The following NPFFR2 variants were observed in gnomAD, a reference collection of about 807,000 sequenced individuals.
NPFFR2 encodes neuropeptide FF receptor 2.
In NPFFR2, 15 loss-of-function variants were observed where a neutral mutation model predicts 13.1. The observed-to-expected ratio is 1.15, with a 90% CI of 0.77 to 1.76. NPFFR2 has a LOEUF of 1.76. Ranked by LOEUF, NPFFR2 falls within the 40% of genes most tolerant of loss-of-function variation. The pLI is 0.00. For missense variants in NPFFR2, 572 were observed against 503.5 expected (o/e 1.14, Z -1.30); for synonymous variants, 190 against 175.7 (o/e 1.08, Z -0.65).
In NPFFR2 at chr4:72,132,539, G is replaced by A. The variant is rs554722475; in HGVS notation, c.328+3620G>A. Among the ~76,000 whole-genome samples, 51 of 152,154 alleles carry A rather than the reference G, an allele frequency of 3.4e-4. 1 individual carries two copies. The highest frequency in any genetic ancestry group is 1.9e-4 in the Non-Finnish European group (13 of 68,024). On this transcript the variant is annotated intron_variant, in intron 2 of 3. Coordinates refer to ENST00000308744, the MANE Select transcript of NPFFR2 (RefSeq NM_004885.3). ...AGTATTGGGATTGCTGGGTTGAATGGTAGTTCTGTCTTTAGGTCTTTGAGG... is the reference window on the plus strand; with the variant it reads ...AGTATTGGGATTGCTGGGTTGAATGATAGTTCTGTCTTTAGGTCTTTGAGG...
At position 72,054,906 on chromosome 4, in the gene NPFFR2, A is replaced by G. The variant is rs138831168; in HGVS notation, c.-8+22706A>G. ...AAAAACAATGAGACATCTCTACACCATCATCCTCAACAAGGGTGATATCAT... is the reference window on the plus strand; with the variant it reads ...AAAAACAATGAGACATCTCTACACCGTCATCCTCAACAAGGGTGATATCAT... On this transcript the variant is annotated intron_variant, in intron 1 of 3. Coordinates refer to ENST00000308744, the MANE Select transcript of NPFFR2 (RefSeq NM_004885.3). Among the ~76,000 whole-genome samples the G allele has an allele frequency of 3.2e-3, 479 of 152,038 alleles. 4 individuals are homozygous for G. Among genetic ancestry groups the G allele is most frequent in the African/African-American group, 0.011 (441 of 41,516 alleles).
rs114129615 is a variant in NPFFR2, at chr4:72,093,154, G to T, written c.-7-35431G>T. Among the ~76,000 whole-genome samples the T allele has an allele frequency of 2.9e-3, 446 of 152,302 alleles. 1 individual carries two copies. The highest frequency in any genetic ancestry group is 0.01 in the African/African-American group (425 of 41,574). ...GTTTTGTTTAAGGGGGCTAAAAATA[G>T]GACCCCAACCCTTTTAGCTTGCAGG... On this transcript the variant is annotated intron_variant, in intron 1 of 3. Coordinates refer to ENST00000308744, the MANE Select transcript of NPFFR2 (RefSeq NM_004885.3).
chr4:72,136,756 A>T (rs959075455), intron 2 of NPFFR2, among the ~76,000 whole-genome samples: 1 of 152,142 alleles, frequency 6.6e-6, no homozygotes, highest in Non-Finnish European at 1.5e-5. Flanking sequence ...CGGGGTTTAG[A>T]GTACTTATGG....
intron 1 of NPFFR2, among the ~76,000 whole-genome samples, chr4:72,111,841 A>G (rs1721575599): frequency 6.6e-6 from 1 of 152,002 alleles, no homozygotes; most frequent in Admixed American, 6.6e-5. Context: ...TTCACTCCTA[A>G]ACTTATTCTG....
intron 1 of NPFFR2, among the ~76,000 whole-genome samples, chr4:72,063,842 T>C (rs1719991728): frequency 6.6e-6 from 1 of 152,158 alleles, no homozygotes; most frequent in Non-Finnish European, 1.5e-5. Context: ...CCAAAGACAA[T>C]GATTTTAAAT....
chr4:72,143,529 G>A (rs1002859918), intron 3 of NPFFR2, among the ~76,000 whole-genome samples: 1 of 152,154 alleles, frequency 6.6e-6, no homozygotes. Context: ...CACTGGGAGG[G>A]CAATCCACTT....
At chr4:72,121,137 A>G (rs1721863403) in intron 1 of NPFFR2, among the ~76,000 whole-genome samples, 1 of 152,044 alleles carries the variant, frequency 6.6e-6, no homozygotes, top group African/African-American at 2.4e-5. Context: ...GATCAAGCGG[A>G]AGAAAGGATA....
At chr4:72,116,006 A>C (rs1359762770) in intron 1 of NPFFR2, among the ~76,000 whole-genome samples, 2 of 152,194 alleles carry the variant, frequency 1.3e-5, no homozygotes, top group African/African-American at 4.8e-5. Context: ...ATTAAAAATT[A>C]GTCATTTTTA....
At position 72,039,349 on chromosome 4, in the gene NPFFR2, C is replaced by T. The variant is rs147663077; in HGVS notation, c.-8+7149C>T. The T allele has an allele frequency of 4.7e-4, 461 of 981,008 alleles. 6 individuals carry two copies. In the African/African-American group the frequency reaches 7.3e-3, roughly 16 times the overall value. The allele number at this position is 981,008 out of a possible 1,614,324, so 60.8% of individuals were successfully genotyped here. On this transcript the variant is annotated intron_variant, in intron 1 of 3. Transcript: ENST00000308744. ...CTGGGATTACAGGCGTGAGCCACCGCGCCCGGCCAATTTCCTTTCTTAGTT... is the reference window on the plus strand; with the variant it reads ...CTGGGATTACAGGCGTGAGCCACCGTGCCCGGCCAATTTCCTTTCTTAGTT...
intron 2 of NPFFR2, among the ~76,000 whole-genome samples, chr4:72,135,128 A>T (rs114838079): frequency 6.6e-6 from 1 of 152,156 alleles, no homozygotes; most frequent in Non-Finnish European, 1.5e-5. Context: ...CTGAAAAAAC[A>T]TGATATTTAA....
At chr4:72,054,205 A>C (rs1018124202) in intron 1 of NPFFR2, among the ~76,000 whole-genome samples, 1 of 151,910 alleles carries the variant, frequency 6.6e-6, no homozygotes, top group African/African-American at 2.4e-5. Flanking sequence ...TTAAATGAAC[A>C]AGTTTAATTA....
chr4:72,146,066 ACT>A (rs1474273770), intron 3 of NPFFR2, among the ~76,000 whole-genome samples: 3 of 152,118 alleles, frequency 2.0e-5, no homozygotes, highest in African/African-American at 4.8e-5. Flanking sequence ...CATAATGAAT[ACT>A]CTCAGATTTT....
At chr4:72,103,058 G>T (rs1721303267) in intron 1 of NPFFR2, among the ~76,000 whole-genome samples, 1 of 152,024 alleles carries the variant, frequency 6.6e-6, no homozygotes, top group Non-Finnish European at 1.5e-5. Context: ...TTTTATGATT[G>T]CCATTCTAAC....
At chr4:72,080,830 A>C (rs1317054199) in intron 1 of NPFFR2, among the ~76,000 whole-genome samples, 1 of 146,830 alleles carries the variant, frequency 6.8e-6, no homozygotes, top group Non-Finnish European at 1.5e-5. Context: ...ACAACTACAG[A>C]GGCGCTCGGC....
At chr4:72,142,326 A>G (rs998742199) in intron 3 of NPFFR2, among the ~76,000 whole-genome samples, 1 of 152,034 alleles carries the variant, frequency 6.6e-6, no homozygotes, top group African/African-American at 2.4e-5. Context: ...TTTTCCAGGT[A>G]CAGTCTGTCA....
At chr4:72,068,420 A>C (rs80220246) in intron 1 of NPFFR2, among the ~76,000 whole-genome samples, 1,729 of 152,298 alleles carry the variant, frequency 0.011, 34 homozygotes, top group African/African-American at 0.04. Flanking sequence ...ATTTATTAGA[A>C]AAGAGCCCTC....
chr4:72,060,544 A>T (rs1187275519), intron 1 of NPFFR2, among the ~76,000 whole-genome samples: 1 of 152,150 alleles, frequency 6.6e-6, no homozygotes, highest in Non-Finnish European at 1.5e-5. Flanking sequence ...AAAGTGTTCA[A>T]GAATATAATT....
intron 1 of NPFFR2, among the ~76,000 whole-genome samples, chr4:72,076,169 A>G (rs1198088780): frequency 2.7e-5 from 2 of 75,276 alleles, no homozygotes; most frequent in Admixed American, 1.7e-4. Flanking sequence ...AATTGATGCT[A>G]TGTTATGGAG....
Position 72,068,618 on chromosome 4 carries a change from C to G in NPFFR2, c.-8+36418C>G, listed in dbSNP as rs192770686. On this transcript the variant is annotated intron_variant, in intron 1 of 3. Coordinates refer to ENST00000308744, the MANE Select transcript of NPFFR2 (RefSeq NM_004885.3). ...GTGCCTAGAACAGACAGTGGCATGT[C>G]ATAGGCATTCAGTAAATACGGTTGA... Among the ~76,000 whole-genome samples, 445 of 152,096 alleles carry G rather than the reference C, an allele frequency of 2.9e-3. 5 individuals are homozygous for G. The highest frequency in any genetic ancestry group is 5.2e-3 in the Non-Finnish European group (351 of 67,996).
Sources: allele counts gnomAD v4.1 joint callset (sites outside exome capture counted in the v4.1 genomes callset), GRCh38; gene constraint gnomAD v4.1.1; transcripts MANE v1.5; gene names NCBI Gene and HGNC (gene_info 2026-07-23, HGNC 2026-07-21).